BIN1: variants seen among roughly 807,000 people sequenced by gnomAD.
BIN1 encodes myc box-dependent-interacting protein 1.
In BIN1, 53 loss-of-function variants were observed where a neutral mutation model predicts 82.0. The ratio of observed to expected loss-of-function variants is 0.65; its 90% CI spans 0.52 to 0.81. BIN1 has a LOEUF of 0.81. Among genes scored for constraint, BIN1 ranks in the 40% least tolerant of loss-of-function variants. The pLI, the probability that BIN1 is intolerant of heterozygous loss-of-function variation, is 0.00. For synonymous variants in BIN1, 302 were observed against 328.0 expected (o/e 0.92, Z 0.86); for missense variants, 642 against 784.4 (o/e 0.82, Z 2.17).
chr2:127,062,107 G>T lies in BIN1; in HGVS notation c.857+8C>A. On this transcript the variant is annotated splice_region_variant and intron_variant, in intron 10 of 18. Transcript: ENST00000316724. ...AGTCAGGGGCGCCAGGGCTCTCCCC[G>T]CACGCACCTGGGCTGGGCCTTGACC... 6.2e-7 allele frequency: 1 copy of T among 1,600,472 alleles called. No individual in the cohort carries two copies. The highest frequency in any genetic ancestry group is 8.5e-7 in the Non-Finnish European group (1 of 1,174,066).
intron 1 of BIN1, among the ~76,000 whole-genome samples, chr2:127,094,507 G>A (rs1297518303): frequency 6.6e-6 from 1 of 151,650 alleles, no homozygotes; most frequent in Admixed American, 6.6e-5. Context: ...GGGGGGTCCC[G>A]CTGCCTGCTA....
intron 1 of BIN1, among the ~76,000 whole-genome samples, chr2:127,102,853 T>C (rs1412567639): frequency 6.6e-6 from 1 of 151,922 alleles, no homozygotes; most frequent in Admixed American, 6.6e-5. Flanking sequence ...ACTGGAGAGA[T>C]ACAGGAAGAG....
chr2:127,100,734 C>A (rs1680203282), intron 1 of BIN1, among the ~76,000 whole-genome samples: 1 of 152,180 alleles, frequency 6.6e-6, no homozygotes, highest in Non-Finnish European at 1.5e-5. Flanking sequence ...AGGTCCACAA[C>A]CCTGCGGCCT....
chr2:127,097,427 C>T (rs1679750686), intron 1 of BIN1, among the ~76,000 whole-genome samples: 1 of 152,090 alleles, frequency 6.6e-6, no homozygotes, highest in Non-Finnish European at 1.5e-5. Context: ...GGCCCAGCAG[C>T]GTCAGCCCTC....
intron 1 of BIN1, among the ~76,000 whole-genome samples, chr2:127,097,220 G>T (rs2105315531): frequency 6.6e-6 from 1 of 152,300 alleles, no homozygotes; most frequent in Admixed American, 6.5e-5. Context: ...GTGCATACAG[G>T]GGCGCCCTAA....
At chr2:127,063,825 A>T in intron 8 of BIN1, 108 bp downstream of exon 8, 1 of 1,447,204 alleles carries the variant, frequency 6.9e-7, no homozygotes, top group Non-Finnish European at 9.7e-7. Flanking sequence ...CAGCACGCAG[A>T]CTGGACACCG....
intron 1 of BIN1, among the ~76,000 whole-genome samples, chr2:127,086,638 G>A (rs550870846): frequency 7.6e-4 from 116 of 151,980 alleles, no homozygotes; most frequent in African/African-American, 2.7e-3. Context: ...CTCCAGAGTC[G>A]CTGGGACTAC....
At position 127,068,102 on chromosome 2, in the gene BIN1, G is replaced by C. The variant is rs968806731; in HGVS notation, c.612+61C>G. 7.2e-6 allele frequency: 11 copies of C among 1,525,454 alleles called. No individual in the cohort carries two copies. Among genetic ancestry groups the C allele is most frequent in the Non-Finnish European group, 9.9e-6 (11 of 1,112,678 alleles). The allele number at this position is 1,525,454 out of a possible 1,614,324, so 94.5% of individuals were successfully genotyped here. On this transcript the variant is annotated intron_variant, in intron 7 of 18. Transcript: ENST00000316724. The surrounding 1 kb of genome is among the most constrained non-coding windows in gnomAD (Gnocchi z 4.9). ...CCAGCCCTGCATTCCACCGCAGGGC[G>C]AGAGGACAGGACGACAGACCGGAAG...
chr2:127,094,345 C>T (rs561114507), intron 1 of BIN1, among the ~76,000 whole-genome samples: 5 of 152,258 alleles, frequency 3.3e-5, no homozygotes, highest in Non-Finnish European at 5.9e-5. Flanking sequence ...TCACTTGGCA[C>T]TGTGTGCCTA....
rs559142187 is a variant in BIN1 at position 127,085,620 on chromosome 2, G to A, written c.85-8914C>T. Among the ~76,000 whole-genome samples the A allele has an allele frequency of 2.4e-3, 368 of 152,238 alleles. 1 individual carries two copies. The highest frequency in any genetic ancestry group is 3.9e-3 in the Non-Finnish European group (266 of 68,008). ...AGAGCCCATAATGAGGAAGGAGCCCGAAAGAAAACCAGAGATGGGGAAACC... is the reference window on the plus strand; with the variant it reads ...AGAGCCCATAATGAGGAAGGAGCCCAAAAGAAAACCAGAGATGGGGAAACC... On this transcript the variant is annotated intron_variant, in intron 1 of 18. Transcript: ENST00000316724.
Position 127,082,243 on chromosome 2 carries a change from C to T in BIN1, c.85-5537G>A, listed in dbSNP as rs944148717. On this transcript the variant is annotated intron_variant, in intron 1 of 18. Coordinates refer to ENST00000316724, the MANE Select transcript of BIN1 (RefSeq NM_139343.3). The surrounding 1 kb of genome is among the most constrained non-coding windows in gnomAD (Gnocchi z 6.1). ...CTTGCCCCTCCTCCTCCGTCGTCTCCCACACACAGCTCGGGTCAGCCAAGC... is the reference window on the plus strand; with the variant it reads ...CTTGCCCCTCCTCCTCCGTCGTCTCTCACACACAGCTCGGGTCAGCCAAGC... 6.6e-6 allele frequency among the ~76,000 whole-genome samples: 1 copy of T among 152,170 alleles called. No individual in the cohort carries two copies. Among genetic ancestry groups the T allele is most frequent in the African/African-American group, 2.4e-5 (1 of 41,448 alleles).
At position 127,076,597 on chromosome 2, in the gene BIN1, C is replaced by A. The variant is rs774098734; in HGVS notation, c.165+29G>T. On this transcript the variant is annotated intron_variant, in intron 2 of 18. Coordinates refer to ENST00000316724, the MANE Select transcript of BIN1 (RefSeq NM_139343.3). ...CCTGGCAGCCGAATTTTCACAAACT[C>A]CCTAAGGCCAAGGGCCACCCACACT... 31 of 1,613,786 alleles carry A rather than the reference C, an allele frequency of 1.9e-5. No homozygotes were observed. The South Asian group carries it at 3.2e-4, about 17-fold the overall frequency.
intron 10 of BIN1, chr2:127,060,451 A>G: frequency 8.0e-7 from 1 of 1,252,276 alleles, no homozygotes; most frequent in Non-Finnish European, 1.1e-6. Context: ...CCCACCCAAC[A>G]CGCACACGAC....
intron 1 of BIN1, among the ~76,000 whole-genome samples, chr2:127,105,872 C>A (rs932767185): frequency 9.9e-5 from 15 of 152,248 alleles, no homozygotes; most frequent in Non-Finnish European, 1.6e-4. Context: ...AACACAGATT[C>A]TGCAATCTCA....
chr2:127,097,546 CCT>C (rs1306234859), intron 1 of BIN1, among the ~76,000 whole-genome samples: 1 of 152,124 alleles, frequency 6.6e-6, no homozygotes, highest in Non-Finnish European at 1.5e-5. Flanking sequence ...TCACCTGGCC[CCT>C]GTGTCCCCAG....
chr2:127,105,467 CCCT>C (rs70985434), intron 1 of BIN1, among the ~76,000 whole-genome samples: 3,839 of 55,596 alleles, frequency 0.069, 177 homozygotes, highest in African/African-American at 0.17. Context: ...GGGCTTTAAT[CCCT>C]CCTCCTCCTC....
intron 12 of BIN1, 110 bp from the exon 13 acceptor site, chr2:127,054,122 C>A (rs1213428227): frequency 2.3e-6 from 2 of 854,204 alleles, no homozygotes; most frequent in East Asian, 5.4e-5. Context: ...CACACACATA[C>A]ACACACCACG....
chr2:127,098,902 T>C (rs1038859376), intron 1 of BIN1, among the ~76,000 whole-genome samples: 1 of 152,126 alleles, frequency 6.6e-6, no homozygotes, highest in Admixed American at 6.5e-5. Flanking sequence ...AAGAACCCCA[T>C]TTGTGGGCAC....
At chr2:127,078,134 C>A (rs1487957969) in intron 1 of BIN1, among the ~76,000 whole-genome samples, 1 of 152,348 alleles carries the variant, frequency 6.6e-6, no homozygotes, top group East Asian at 1.9e-4. Flanking sequence ...ACAGCCAGGA[C>A]CCTTCCCACC....
Sources: gnomAD v4.1 joint callset for allele counts (sites outside exome capture counted in the v4.1 genomes callset) on GRCh38, gnomAD v4.1.1 for gene constraint, Gnocchi (gnomAD v3.1) non-coding constraint, MANE v1.5 for transcripts, NCBI Gene and HGNC (gene_info 2026-07-23, HGNC 2026-07-21) for gene names.